TPTE2: variants seen among roughly 807,000 people sequenced by gnomAD.
TPTE2 encodes transmembrane phosphoinositide 3-phosphatase and tensin homolog 2, also known as phosphatidylinositol 3,4,5-trisphosphate 3-phosphatase TPTE2.
A neutral mutation model predicts 78.6 loss-of-function variants in TPTE2; 53 were observed. That is an observed-to-expected ratio of 0.67 (90% CI 0.54 to 0.85). TPTE2 has a LOEUF of 0.85. Ranked by LOEUF, TPTE2 falls within the 40% of genes least tolerant of loss-of-function variation. The pLI, the probability that TPTE2 is intolerant of heterozygous loss-of-function variation, is 0.00. For missense variants in TPTE2, 461 were observed against 623.0 expected (o/e 0.74, Z 2.77); for synonymous variants, 175 against 206.2 (o/e 0.85, Z 1.30).
At chr13:19,549,558 T>C in the TPTE2 span, among the ~76,000 whole-genome samples, 1 of 150,434 alleles carries the variant, frequency 6.6e-6, no homozygotes, top group African/African-American at 2.4e-5. Flanking sequence ...TTGGTGGAAA[T>C]GTAAATTAGT....
chr13:19,496,034 A>C (rs150083771), intron 1 of TPTE2, among the ~76,000 whole-genome samples: 3,224 of 152,102 alleles, frequency 0.021, 123 homozygotes, highest in African/African-American at 0.074. Flanking sequence ...ACACCCAGCT[A>C]ATTTTGTATT....
chr13:19,530,818 C>A (rs755438572), intron 1 of TPTE2, among the ~76,000 whole-genome samples: 6 of 152,144 alleles, frequency 3.9e-5, no homozygotes, highest in Non-Finnish European at 8.8e-5. Context: ...GGCCACCTTG[C>A]CCGGCCCTAA....
At chr13:19,536,162 T>C (rs1238885932) in intron 1 of TPTE2, among the ~76,000 whole-genome samples, 2 of 136,124 alleles carry the variant, frequency 1.5e-5, no homozygotes, top group South Asian at 2.4e-4. Flanking sequence ...TGTTTGCTTG[T>C]TTTTGTGTAG....
intron 1 of TPTE2, among the ~76,000 whole-genome samples, chr13:19,520,694 T>G (rs1384798984): frequency 6.6e-6 from 1 of 152,020 alleles, no homozygotes; most frequent in Non-Finnish European, 1.5e-5. Context: ...TTAAATTATT[T>G]ATTGAGATCT....
At chr13:19,443,783 C>T (rs1353149072) in intron 13 of TPTE2, among the ~76,000 whole-genome samples, 11 of 137,518 alleles carry the variant, frequency 8.0e-5, no homozygotes, top group Non-Finnish European at 1.6e-4. Flanking sequence ...CACACACAGT[C>T]GTTAAGCAAT....
intron 1 of TPTE2, among the ~76,000 whole-genome samples, chr13:19,510,158 T>G (rs919376670): frequency 6.6e-6 from 1 of 152,184 alleles, no homozygotes; most frequent in Non-Finnish European, 1.5e-5. Flanking sequence ...TGTCTAAAAC[T>G]GACATGAAGG....
intron 13 of TPTE2, among the ~76,000 whole-genome samples, chr13:19,446,345 G>A (rs1278507969): frequency 6.6e-6 from 1 of 152,068 alleles, no homozygotes; most frequent in African/African-American, 2.4e-5. Flanking sequence ...GAGAACTTAG[G>A]AACAGTCTTG....
chr13:19,554,377 A>AAAATAAAT, the TPTE2 span, among the ~76,000 whole-genome samples: 1,697 of 145,196 alleles, frequency 0.012, 34 homozygotes, highest in East Asian at 0.075. Context: ...TCTGTCTCAA[A>AAAATAAAT]AAATAAATAA....
intron 1 of TPTE2, among the ~76,000 whole-genome samples, chr13:19,496,955 G>T (rs544977176): frequency 7.9e-5 from 12 of 152,308 alleles, no homozygotes; most frequent in African/African-American, 2.6e-4. Flanking sequence ...CCGTGCGCGA[G>T]CCGAAGCAGG....
At chr13:19,513,566 C>T (rs753105806) in intron 1 of TPTE2, among the ~76,000 whole-genome samples, 6 of 152,124 alleles carry the variant, frequency 3.9e-5, no homozygotes, top group African/African-American at 7.2e-5. Flanking sequence ...AATGCATACA[C>T]GACTTTTTTT....
At chr13:19,548,161 G>C in the TPTE2 span, among the ~76,000 whole-genome samples, 16 of 152,254 alleles carry the variant, frequency 1.1e-4, no homozygotes, top group South Asian at 6.2e-4. Flanking sequence ...GCAGTTAGTA[G>C]CAATGACCAA....
intron 14 of TPTE2, 50 bp from the exon 18 acceptor site, chr13:19,436,356 T>C (rs748179621): frequency 6.6e-7 from 1 of 1,517,638 alleles, no homozygotes; most frequent in African/African-American, 1.4e-5. Context: ...CTCTTTCCTT[T>C]CCTATATTAG....
chr13:19,482,293 T>TAAG (rs1229185247), intron 4 of TPTE2, among the ~76,000 whole-genome samples, 195 bp downstream of exon 7: 3 of 152,174 alleles, frequency 2.0e-5, no homozygotes, highest in Non-Finnish European at 4.4e-5. Flanking sequence ...TATTTCTGAA[T>TAAG]GGATGGAATT....
intron 1 of TPTE2, among the ~76,000 whole-genome samples, chr13:19,498,856 A>G (rs1176205881): frequency 6.6e-6 from 1 of 152,084 alleles, no homozygotes. Context: ...AGACTGGCAA[A>G]TTGGATAAAG....
intron 1 of TPTE2, among the ~76,000 whole-genome samples, chr13:19,525,110 CT>C (rs1870415193): frequency 6.6e-6 from 1 of 152,030 alleles, no homozygotes; most frequent in Admixed American, 6.6e-5. Flanking sequence ...TACTACACAG[CT>C]TAGGTGAGAG....
At chr13:19,473,192 G>C (rs1879730650) in intron 6 of TPTE2, among the ~76,000 whole-genome samples, 1 of 152,176 alleles carries the variant, frequency 6.6e-6, no homozygotes, top group Non-Finnish European at 1.5e-5. Flanking sequence ...CCCAAGACCT[G>C]CTGTAACCAC....
intron 1 of TPTE2, among the ~76,000 whole-genome samples, chr13:19,499,732 TAAAAG>T (rs1455800456): frequency 7.4e-6 from 1 of 134,896 alleles, no homozygotes; most frequent in Non-Finnish European, 1.6e-5. Flanking sequence ...ACATCACAAT[TAAAAG>T]AACTAGAAAA....
the TPTE2 span, among the ~76,000 whole-genome samples, chr13:19,547,999 G>A: frequency 6.6e-6 from 1 of 151,816 alleles, no homozygotes; most frequent in Non-Finnish European, 1.5e-5. Flanking sequence ...GCACAATACA[G>A]TAAAGAAAAC....
intron 1 of TPTE2, among the ~76,000 whole-genome samples, chr13:19,497,522 AC>A (rs1367677098): frequency 0.015 from 1,201 of 80,964 alleles, 75 homozygotes; most frequent in African/African-American, 0.037. Context: ...ACTGGGAGGC[AC>A]CCCCCAGCAG....
Sources: allele counts gnomAD v4.1 joint callset (sites outside exome capture counted in the v4.1 genomes callset), GRCh38; gene constraint gnomAD v4.1.1; transcripts MANE v1.5; gene names NCBI Gene and HGNC (gene_info 2026-07-23, HGNC 2026-07-21).